The following UBE2E2 variants were observed in gnomAD, a reference collection of about 807,000 sequenced individuals.
The protein encoded by UBE2E2 is ubiquitin conjugating enzyme E2 E2.
A neutral mutation model predicts 24.7 loss-of-function variants in UBE2E2; 6 were observed. The ratio of observed to expected loss-of-function variants is 0.24; its 90% confidence interval spans 0.13 to 0.48. The LOEUF is 0.48. Ranked by LOEUF, UBE2E2 falls within the 20% of genes least tolerant of loss-of-function variation. The pLI is 0.99. For missense variants in UBE2E2, 169 were observed against 245.0 expected (o/e 0.69, Z 2.07); for synonymous variants, 104 against 83.6 (o/e 1.24, Z -1.33).
At chr3:23,283,084 C>G (rs1249767005) in intron 3 of UBE2E2, among the ~76,000 whole-genome samples, 1 of 152,156 alleles carries the variant, frequency 6.6e-6, no homozygotes, top group African/African-American at 2.4e-5. Flanking sequence ...ACAGCTAGAA[C>G]AGGTTGGTTT....
chr3:23,556,589 A>G (rs913359562), intron 5 of UBE2E2, among the ~76,000 whole-genome samples: 1 of 152,052 alleles, frequency 6.6e-6, no homozygotes, highest in African/African-American at 2.4e-5. Context: ...TGAAAGCGGT[A>G]TTGTGGACAT....
chr3:23,472,220 T>G (rs1179627561), intron 3 of UBE2E2, among the ~76,000 whole-genome samples: 3 of 152,328 alleles, frequency 2.0e-5, no homozygotes, highest in Non-Finnish European at 2.9e-5. Flanking sequence ...GCCACTTACT[T>G]TCTGTCCAGC....
At chr3:23,381,530 T>C (rs1575596255) in intron 3 of UBE2E2, among the ~76,000 whole-genome samples, 1 of 152,222 alleles carries the variant, frequency 6.6e-6, no homozygotes, top group African/African-American at 2.4e-5. Flanking sequence ...TTAGTCATTC[T>C]GTAAGAGCTC....
chr3:23,314,566 AT>A (rs1363144243), intron 3 of UBE2E2, among the ~76,000 whole-genome samples: 1 of 152,100 alleles, frequency 6.6e-6, no homozygotes, highest in Non-Finnish European at 1.5e-5. Context: ...TCTTCACATC[AT>A]TTCTTCTTGC....
chr3:23,512,937 C>T (rs1019404041), intron 4 of UBE2E2, among the ~76,000 whole-genome samples: 2 of 151,998 alleles, frequency 1.3e-5, no homozygotes, highest in Admixed American at 1.3e-4. Flanking sequence ...TACATACATA[C>T]ATGCATACAT....
chr3:23,278,189 G>C (rs1698411171), intron 3 of UBE2E2, among the ~76,000 whole-genome samples: 1 of 152,066 alleles, frequency 6.6e-6, no homozygotes, highest in Admixed American at 6.6e-5. Context: ...AGTATACTTA[G>C]ATCCCTTGCA....
At chr3:23,261,049 G>A (rs551884131) in intron 3 of UBE2E2, among the ~76,000 whole-genome samples, 78 of 152,136 alleles carry the variant, frequency 5.1e-4, no homozygotes, top group Non-Finnish European at 7.2e-4. Flanking sequence ...GTTGCAATGA[G>A]TAGAGATTGT....
At chr3:23,309,537 G>A (rs1456884414) in intron 3 of UBE2E2, among the ~76,000 whole-genome samples, 1 of 152,118 alleles carries the variant, frequency 6.6e-6, no homozygotes, top group Non-Finnish European at 1.5e-5. Context: ...ATAGTTTTGT[G>A]GGGTAGGAAT....
chr3:23,265,195 A>G (rs1698012763), intron 3 of UBE2E2, among the ~76,000 whole-genome samples: 1 of 152,154 alleles, frequency 6.6e-6, no homozygotes, highest in Non-Finnish European at 1.5e-5. Flanking sequence ...GAGAAGGAAG[A>G]ATTGAAGATT....
intron 3 of UBE2E2, among the ~76,000 whole-genome samples, chr3:23,469,444 G>T (rs2125432697): frequency 6.6e-6 from 1 of 152,142 alleles, no homozygotes; most frequent in South Asian, 2.1e-4. Flanking sequence ...ATTAAATATG[G>T]TACTAGTAAA....
Position 23,246,282 on chromosome 3 carries a change from G to T in UBE2E2, c.227+28970G>T, listed in dbSNP as rs548649582. Among the ~76,000 whole-genome samples the T allele has an allele frequency of 3.4e-5, 5 of 145,398 alleles. No homozygotes were observed. The South Asian group carries it at 1.1e-3, about 32-fold the overall frequency. On this transcript the variant is annotated intron_variant, in intron 3 of 5. Transcript: ENST00000396703. ...GTCGCCCAGGCTGGAGTGCAGTGGC[G>T]CAATCTCGGCTCACTGCAAGCTCCG...
chr3:23,493,525 T>G (rs1484646135), intron 3 of UBE2E2, among the ~76,000 whole-genome samples: 1 of 152,214 alleles, frequency 6.6e-6, no homozygotes, highest in Non-Finnish European at 1.5e-5. Context: ...AGCTTTAGGT[T>G]TTTTTTCTTA....
rs778200829 is a variant in UBE2E2, at chr3:23,332,074, A to G, written c.227+114762A>G. ...AAAAAATTTTAAAGTATGTAAAGGA[A>G]TATTGTGGAATAATTTGTATTAATG... On this transcript the variant is annotated intron_variant, in intron 3 of 5. Transcript: ENST00000396703. Among the ~76,000 whole-genome samples, 61 of 152,180 alleles carry G rather than the reference A, an allele frequency of 4.0e-4. 1 individual carries two copies. The highest frequency in any genetic ancestry group is 5.9e-4 in the Admixed American group (9 of 15,274).
intron 4 of UBE2E2, among the ~76,000 whole-genome samples, chr3:23,504,016 T>G (rs953586634): frequency 1.3e-5 from 2 of 152,176 alleles, no homozygotes; most frequent in African/African-American, 4.8e-5. Flanking sequence ...GGAAAAAAAT[T>G]TGCCTGTAAT....
chr3:23,359,024 G>A (rs1237474941), intron 3 of UBE2E2, among the ~76,000 whole-genome samples: 2 of 152,170 alleles, frequency 1.3e-5, no homozygotes, highest in Non-Finnish European at 2.9e-5. Flanking sequence ...AATGGGAGTG[G>A]CAGAGACAAG....
chr3:23,468,939 T>C (rs1698977764), intron 3 of UBE2E2, among the ~76,000 whole-genome samples: 1 of 152,236 alleles, frequency 6.6e-6, no homozygotes, highest in Non-Finnish European at 1.5e-5. Flanking sequence ...AAAAAAACTC[T>C]GTGGATCTTA....
intron 3 of UBE2E2, among the ~76,000 whole-genome samples, chr3:23,406,273 CTTTTT>C (rs1299851192): frequency 6.6e-6 from 1 of 152,082 alleles, no homozygotes; most frequent in African/African-American, 2.4e-5. Flanking sequence ...TTTTCTCTTT[CTTTTT>C]TATTTCCACA....
chr3:23,346,218 A>G (rs1382936479), intron 3 of UBE2E2, among the ~76,000 whole-genome samples: 2 of 152,246 alleles, frequency 1.3e-5, no homozygotes, highest in Non-Finnish European at 2.9e-5. Flanking sequence ...TTTGTAGGAC[A>G]TACAACAATA....
chr3:23,511,242 CT>C (rs1694587584), intron 4 of UBE2E2, among the ~76,000 whole-genome samples: 1 of 152,244 alleles, frequency 6.6e-6, no homozygotes, highest in South Asian at 2.1e-4. Context: ...GCAATCTCCC[CT>C]GTCCCTCATT....
Sources: allele counts gnomAD v4.1 joint callset (sites outside exome capture counted in the v4.1 genomes callset), GRCh38; gene constraint gnomAD v4.1.1; transcripts MANE v1.5; gene names NCBI Gene and HGNC (gene_info 2026-07-23, HGNC 2026-07-21).